The following RAG1 variants were observed in gnomAD, a reference collection of about 807,000 sequenced individuals.
RAG1 encodes V(D)J recombination-activating protein 1.
In RAG1, 35 loss-of-function variants were observed where a neutral mutation model predicts 62.7. That is an observed-to-expected ratio of 0.56 (90% CI 0.43 to 0.74). The LOEUF is 0.74. Among genes scored for constraint, RAG1 ranks in the 30% least tolerant of loss-of-function variants. RAG1 has a pLI of 0.00. For missense variants in RAG1, 1,169 were observed against 1,278.6 expected (o/e 0.91, Z 1.31); for synonymous variants, 461 against 470.3 (o/e 0.98, Z 0.26).
Position 36,533,090 on chromosome 11 carries a change from C to T in RAG1, n.429-2869C>T, listed in dbSNP as rs111820491. ...GCTGCAGAATGTGCTAGGAATGCAA[C>T]ATCCTGAGATAAGAGGGAACTAGCC... On this transcript the variant is annotated intron_variant and non_coding_transcript_variant, in intron 2 of 2. Coordinates refer to the RAG1 transcript ENST00000529126. Among the ~76,000 whole-genome samples the T allele has an allele frequency of 7.9e-3, 1,200 of 152,146 alleles. 14 individuals are homozygous for T. Among genetic ancestry groups the T allele is most frequent in the African/African-American group, 0.028 (1,153 of 41,496 alleles).
At chr11:36,551,456 C>A (rs1038629581) in intron 3 of RAG1, among the ~76,000 whole-genome samples, 1 of 151,964 alleles carries the variant, frequency 6.6e-6, no homozygotes, top group African/African-American at 2.4e-5. Flanking sequence ...TGAGGTCTCT[C>A]CTTGGCTTGT....
At chr11:36,517,435 G>C (rs562490891) in intron 1 of RAG1, among the ~76,000 whole-genome samples, 1 of 152,276 alleles carries the variant, frequency 6.6e-6, no homozygotes, top group East Asian at 1.9e-4. Context: ...TTTTAGAGCA[G>C]AGTCAGCCTA....
downstream of RAG1, among the ~76,000 whole-genome samples, chr11:36,539,147 C>T (rs932723656): frequency 2.6e-5 from 4 of 152,070 alleles, no homozygotes; most frequent in Non-Finnish European, 5.9e-5. Flanking sequence ...AGATTAAAGG[C>T]GGTCATAAGG....
At chr11:36,537,509 T>A (rs1322663228), downstream of RAG1, among the ~76,000 whole-genome samples, 4 of 152,184 alleles carry the variant, frequency 2.6e-5, no homozygotes, top group African/African-American at 9.6e-5. Flanking sequence ...TCAAATAAAA[T>A]ATCAAATAGC....
At chr11:36,559,610 G>T (rs1287084172) in intron 3 of RAG1, among the ~76,000 whole-genome samples, 1 of 151,852 alleles carries the variant, frequency 6.6e-6, no homozygotes, top group South Asian at 2.1e-4. Context: ...CAAAAGACTT[G>T]TTTTCAAGTT....
downstream of RAG1, among the ~76,000 whole-genome samples, chr11:36,536,961 T>C (rs918798156): frequency 1.3e-5 from 2 of 149,050 alleles, no homozygotes; most frequent in East Asian, 1.9e-4. Flanking sequence ...GGTTTCACCG[T>C]GTTAGCCAGG....
chr11:36,539,394 C>T (rs1220799543), downstream of RAG1, among the ~76,000 whole-genome samples: 1 of 152,202 alleles, frequency 6.6e-6, no homozygotes, highest in Non-Finnish European at 1.5e-5. Flanking sequence ...TTTGTTATGG[C>T]AGCCCTAGGT....
rs1233706470 is a variant in RAG1, at chr11:36,579,204, C to G, written c.*2768C>G. On this transcript the variant is annotated 3_prime_UTR_variant, in exon 2 of 2. Transcript: ENST00000299440. ...TGAGAGTGTGGGTCTTGCATTACAT[C>G]AAACAGAGTTCAAATTCCACACAGA... 6.0e-6 allele frequency: 1 copy of G among 167,004 alleles called. No homozygotes were observed. Among genetic ancestry groups the G allele is most frequent in the Non-Finnish European group, 1.5e-5 (1 of 68,106 alleles). The allele number at this position is 167,004 out of a possible 1,614,324, so 10.3% of individuals were successfully genotyped here.
Position 36,575,967 on chromosome 11 carries a change from T to C in RAG1, c.2663T>C (p.Leu888Pro), listed in dbSNP as rs1205052984. The stretch of plus-strand genomic sequence containing the variant: ...GAGGCTCTGAGGGAGCTGATGGATC[T>C]TTACCTGAAGATGAAACCAGTATGG... Reference protein sequence around the residue: ...RHEALRELMDLYLKMKPVWRS... With the variant: ...RHEALRELMDPYLKMKPVWRS... Residue 888 changes from leucine to proline, a missense_variant, in exon 2 of 2, where the codon CTT (leucine) becomes CCT (proline). Leu to Pro is a moderately conservative substitution (Grantham distance 98, BLOSUM62 -3). Coordinates refer to ENST00000299440, the MANE Select transcript of RAG1 (RefSeq NM_000448.3). This position sits in a 1 kb window ranked among gnomAD's most constrained non-coding sequence, Gnocchi z 4.1. 1 of 1,614,160 alleles carries C rather than the reference T, an allele frequency of 6.2e-7. No homozygotes were observed. The highest frequency in any genetic ancestry group is 1.7e-5 in the Admixed American group (1 of 60,032).
chr11:36,566,154 A>G (rs1850658536), upstream of RAG1, among the ~76,000 whole-genome samples: 1 of 152,188 alleles, frequency 6.6e-6, no homozygotes, highest in Admixed American at 6.5e-5. Flanking sequence ...TTCTTTGATG[A>G]GTCCATTTGA....
At chr11:36,522,074 A>G (rs1429727559) in intron 2 of RAG1, among the ~76,000 whole-genome samples, 1 of 152,206 alleles carries the variant, frequency 6.6e-6, no homozygotes, top group Non-Finnish European at 1.5e-5. Flanking sequence ...TAGAAAAAAA[A>G]AATCCCATTT....
intron 3 of RAG1, among the ~76,000 whole-genome samples, chr11:36,548,519 A>G (rs972434187): frequency 2.0e-5 from 3 of 152,244 alleles, no homozygotes; most frequent in African/African-American, 7.2e-5. Flanking sequence ...ACTCCCATTC[A>G]CAATTGCTAC....
chr11:36,566,770 A>C (rs1850668150), upstream of RAG1, among the ~76,000 whole-genome samples: 1 of 152,180 alleles, frequency 6.6e-6, no homozygotes, highest in African/African-American at 2.4e-5. Context: ...CCTCTCTCCC[A>C]GTGTTACTGC....
At position 36,573,789 on chromosome 11, in the gene RAG1, A is replaced by C. The variant is rs778062483; in HGVS notation, c.485A>C (p.Asp162Ala). 1.3e-5 allele frequency: 21 copies of C among 1,614,098 alleles called. No homozygotes were observed. Among genetic ancestry groups the C allele is most frequent in the Non-Finnish European group, 1.7e-5 (20 of 1,180,026 alleles). ...CTCATTGCCAAGGTTTTCCGGATCGATGTGAAGGCAGATGTTGACTCGATC... is the reference window on the plus strand; with the variant it reads ...CTCATTGCCAAGGTTTTCCGGATCGCTGTGAAGGCAGATGTTGACTCGATC... ...PDLIAKVFRIDVKADVDSIHP... is the reference protein window; with the variant it reads ...PDLIAKVFRIAVKADVDSIHP... Residue 162 changes from aspartate (D) to alanine (A), a missense_variant, in exon 2 of 2, where the codon GAT becomes GCT. By Grantham distance (126) the Asp-to-Ala change is moderately radical (BLOSUM62 -2). Coordinates refer to ENST00000299440, the MANE Select transcript of RAG1 (RefSeq NM_000448.3).
At chr11:36,539,056 CCTCA>C (rs561734476), downstream of RAG1, among the ~76,000 whole-genome samples, 2 of 152,072 alleles carry the variant, frequency 1.3e-5, no homozygotes, top group Non-Finnish European at 2.9e-5. Context: ...ATTGTGTACC[CCTCA>C]CATTTGTGTA....
chr11:36,543,994 GA>G (rs1194696863), intron 3 of RAG1, among the ~76,000 whole-genome samples: 2 of 152,190 alleles, frequency 1.3e-5, no homozygotes, highest in Non-Finnish European at 2.9e-5. Context: ...AGATAGTACA[GA>G]GAATTCTCTC....
intron 3 of RAG1, among the ~76,000 whole-genome samples, chr11:36,545,590 GACAA>G (rs1850380491): frequency 6.6e-6 from 1 of 152,238 alleles, no homozygotes; most frequent in South Asian, 2.1e-4. Flanking sequence ...AGCCCTAGAA[GACAA>G]ACAGTGAATA....
In RAG1 at chr11:36,576,499, C is replaced by G. The variant is rs1850854797; in HGVS notation, c.*63C>G. On this transcript the variant is annotated 3_prime_UTR_variant, in exon 2 of 2. Transcript: ENST00000299440. ...GTTTCCCTCTGGGTTGCATTGAGGG[C>G]TTCTCCTAGCACCCTTTACTGCTGT... 1 of 1,573,934 alleles carries G rather than the reference C, an allele frequency of 6.4e-7. No homozygotes were observed. Among genetic ancestry groups the G allele is most frequent in the Admixed American group, 1.7e-5 (1 of 59,878 alleles).
intron 1 of RAG1, among the ~76,000 whole-genome samples, chr11:36,571,396 C>T (rs1352059408): frequency 6.6e-6 from 1 of 152,078 alleles, no homozygotes; most frequent in Non-Finnish European, 1.5e-5. Flanking sequence ...AGGGAAAGAC[C>T]TAGCACCTGC....
Sources: gnomAD v4.1 joint callset for allele counts (sites outside exome capture counted in the v4.1 genomes callset) on GRCh38, gnomAD v4.1.1 for gene constraint, Gnocchi (gnomAD v3.1) non-coding constraint, MANE v1.5 for transcripts, NCBI Gene and HGNC (gene_info 2026-07-23, HGNC 2026-07-21) for gene names.